KCNIP4: variants seen among roughly 807,000 people sequenced by gnomAD.
The protein encoded by KCNIP4 is Kv channel-interacting protein 4.
A neutral mutation model predicts 34.0 loss-of-function variants in KCNIP4; 12 were observed. That is an observed-to-expected ratio of 0.35 (90% confidence interval 0.23 to 0.57). KCNIP4 has a LOEUF of 0.57. Ranked by LOEUF, KCNIP4 falls within the 20% of genes least tolerant of loss-of-function variation. The pLI is 0.83. For synonymous variants in KCNIP4, 124 were observed against 102.2 expected (o/e 1.21, Z -1.29); for missense variants, 238 against 311.7 (o/e 0.76, Z 1.78).
intron 1 of KCNIP4, among the ~76,000 whole-genome samples, chr4:21,417,446 G>T (rs941899607): frequency 2.6e-5 from 4 of 152,162 alleles, no homozygotes; most frequent in Non-Finnish European, 5.9e-5. Context: ...GTGTGGTTAT[G>T]TCTGAGGGTC....
rs761963880 is a variant in KCNIP4, at chr4:21,435,161, G to A, written c.61+513410C>T. Among the ~76,000 whole-genome samples the A allele has an allele frequency of 3.3e-4, 50 of 152,294 alleles. 1 individual carries two copies. The Middle Eastern group carries it at 0.01, about 31-fold the overall frequency. ...ACTCATGAACAAAGATGGGGAGAAG[G>A]TAAGGAGAGGAGCAAAAAACTTAAA... On this transcript the variant is annotated intron_variant, in intron 1 of 8. Coordinates refer to ENST00000382152, the MANE Select transcript of KCNIP4 (RefSeq NM_025221.6).
intron 1 of KCNIP4, among the ~76,000 whole-genome samples, chr4:21,624,702 A>G (rs1745212159): frequency 6.6e-6 from 1 of 152,200 alleles, no homozygotes; most frequent in South Asian, 2.1e-4. Context: ...CAAATAAAAA[A>G]GGTAAAATAT....
intron 1 of KCNIP4, among the ~76,000 whole-genome samples, chr4:20,926,081 A>AT (rs1190377358): frequency 2.6e-5 from 4 of 152,194 alleles, no homozygotes; most frequent in Admixed American, 1.3e-4. Flanking sequence ...ATACAAACAT[A>AT]TTTTTTATAC....
intron 1 of KCNIP4, among the ~76,000 whole-genome samples, chr4:21,324,563 G>A (rs1193351249): frequency 2.0e-5 from 3 of 151,702 alleles, no homozygotes; most frequent in African/African-American, 7.3e-5. Context: ...GAGTGTAGAT[G>A]TAAGAATTTG....
intron 1 of KCNIP4, among the ~76,000 whole-genome samples, chr4:21,570,174 T>C (rs915006105): frequency 6.6e-6 from 1 of 152,292 alleles, no homozygotes; most frequent in African/African-American, 2.4e-5. Flanking sequence ...AATGGGAGTC[T>C]GGAAAATGTA....
chr4:21,221,329 G>A (rs1160826868), intron 1 of KCNIP4, among the ~76,000 whole-genome samples: 1 of 152,108 alleles, frequency 6.6e-6, no homozygotes, highest in Non-Finnish European at 1.5e-5. Context: ...TTTTCATACT[G>A]CTATAAATAA....
chr4:21,279,526 CAT>C (rs34212856), intron 1 of KCNIP4, among the ~76,000 whole-genome samples: 36,422 of 150,042 alleles, frequency 0.24, 4,594 homozygotes, highest in South Asian at 0.34. Context: ...CACACACACA[CAT>C]ATATATATGC....
chr4:21,121,109 C>G (rs555580640), intron 1 of KCNIP4, among the ~76,000 whole-genome samples: 2 of 152,238 alleles, frequency 1.3e-5, no homozygotes, highest in East Asian at 1.9e-4. Flanking sequence ...TTCTTGTCCC[C>G]AATTCTCCAG....
At chr4:21,013,816 A>G (rs567070129) in intron 1 of KCNIP4, among the ~76,000 whole-genome samples, 1 of 152,292 alleles carries the variant, frequency 6.6e-6, no homozygotes, top group Non-Finnish European at 1.5e-5. Flanking sequence ...AGATATAAAG[A>G]GACTTTGTTT....
chr4:21,735,287 T>C lies in KCNIP4; in HGVS notation c.61+213284A>G, dbSNP rs192083798. Among the ~76,000 whole-genome samples the C allele has an allele frequency of 3.1e-3, 479 of 152,298 alleles. 1 individual carries two copies. The highest frequency in any genetic ancestry group is 4.1e-3 in the Non-Finnish European group (276 of 68,028). Reference sequence around the variant, plus strand: ...GCCAATTGCTAAATTTTCAGAAATTTTGTTAAGCTACTCACTGAACATAGC... The same window carrying C: ...GCCAATTGCTAAATTTTCAGAAATTCTGTTAAGCTACTCACTGAACATAGC... On this transcript the variant is annotated intron_variant, in intron 1 of 8. Coordinates refer to ENST00000382152, the MANE Select transcript of KCNIP4 (RefSeq NM_025221.6).
At chr4:21,724,999 G>A (rs1312430480) in intron 1 of KCNIP4, among the ~76,000 whole-genome samples, 3 of 152,028 alleles carry the variant, frequency 2.0e-5, no homozygotes, top group Non-Finnish European at 4.4e-5. Flanking sequence ...AAACACTTTA[G>A]CTTCACAGAA....
chr4:21,109,242 G>T (rs1391898507), intron 1 of KCNIP4, among the ~76,000 whole-genome samples: 3 of 152,160 alleles, frequency 2.0e-5, no homozygotes, highest in African/African-American at 7.2e-5. Flanking sequence ...CTTGAGCTGT[G>T]GTGGGCTCCA....
intron 1 of KCNIP4, among the ~76,000 whole-genome samples, chr4:21,691,515 C>G (rs996520607): frequency 5.9e-5 from 9 of 152,034 alleles, no homozygotes; most frequent in African/African-American, 2.2e-4. Flanking sequence ...CTCATTCCTG[C>G]CAGAAACAGA....
At chr4:21,262,142 T>C (rs1005780890) in intron 1 of KCNIP4, among the ~76,000 whole-genome samples, 1 of 152,128 alleles carries the variant, frequency 6.6e-6, no homozygotes, top group African/African-American at 2.4e-5. Flanking sequence ...AACAGTTCCT[T>C]TTTATTTATT....
chr4:21,265,746 A>G (rs935167539), intron 1 of KCNIP4, among the ~76,000 whole-genome samples: 2 of 152,238 alleles, frequency 1.3e-5, no homozygotes, highest in African/African-American at 4.8e-5. Flanking sequence ...GTCTTCACCT[A>G]TTTGATGGGT....
At chr4:21,253,853 T>C (rs1044967248) in intron 1 of KCNIP4, among the ~76,000 whole-genome samples, 9 of 152,200 alleles carry the variant, frequency 5.9e-5, no homozygotes, top group Non-Finnish European at 1.2e-4. Flanking sequence ...ATATGTGGGA[T>C]GTTATTCAGA....
intron 1 of KCNIP4, among the ~76,000 whole-genome samples, chr4:21,535,939 A>G (rs1023272451): frequency 6.6e-6 from 1 of 152,126 alleles, no homozygotes; most frequent in Non-Finnish European, 1.5e-5. Context: ...CTGAGTCTCC[A>G]AATCATCTCC....
chr4:20,973,750 ATTG>A (rs1735209559), intron 1 of KCNIP4, among the ~76,000 whole-genome samples: 1 of 152,050 alleles, frequency 6.6e-6, no homozygotes, highest in African/African-American at 2.4e-5. Context: ...TAATTTCATT[ATTG>A]TTGTGTTTCA....
chr4:21,874,072 G>A lies in KCNIP4; in HGVS notation c.61+74499C>T, dbSNP rs907455030. ...GTATTACATTCACTGTGACTGATAC[G>A]CATAGCCGCAACAAGGAGTAGCACT... On this transcript the variant is annotated intron_variant, in intron 1 of 8. Transcript: ENST00000382152. Among the ~76,000 whole-genome samples the A allele has an allele frequency of 4.6e-5, 7 of 152,182 alleles. No individual in the cohort carries two copies. In the East Asian group the frequency reaches 5.8e-4, roughly 13 times the overall value.
Sources: allele counts gnomAD v4.1 joint callset (sites outside exome capture counted in the v4.1 genomes callset), GRCh38; gene constraint gnomAD v4.1.1; transcripts MANE v1.5; gene names NCBI Gene and HGNC (gene_info 2026-07-23, HGNC 2026-07-21).